The following LMNTD1 variants were observed in gnomAD, a reference collection of about 807,000 sequenced individuals.
LMNTD1 encodes the protein lamin tail domain containing 1, also known as lamin tail domain-containing protein 1.
A neutral mutation model predicts 50.9 loss-of-function variants in LMNTD1; 35 were observed. That is an observed-to-expected ratio of 0.69 (90% CI 0.53 to 0.91). LMNTD1 has a LOEUF of 0.91. Ranked by LOEUF, LMNTD1 falls within the 40% of genes least tolerant of loss-of-function variation. The pLI, the probability that LMNTD1 is intolerant of heterozygous loss-of-function variation, is 0.00. For missense variants in LMNTD1, 470 were observed against 475.5 expected (o/e 0.99, Z 0.11); for synonymous variants, 153 against 161.9 (o/e 0.94, Z 0.42).
intron 8 of LMNTD1, among the ~76,000 whole-genome samples, chr12:25,510,399 A>G (rs904943032): frequency 9.9e-5 from 15 of 152,050 alleles, no homozygotes; most frequent in Non-Finnish European, 2.9e-5. Context: ...AAGTTTTATT[A>G]TGATGTACAT....
chr12:25,624,888 A>G (rs1341003934), intron 1 of LMNTD1, among the ~76,000 whole-genome samples: 1 of 152,246 alleles, frequency 6.6e-6, no homozygotes, highest in Non-Finnish European at 1.5e-5. Flanking sequence ...GTATCCCAGC[A>G]TTCACAAATT....
chr12:25,608,901 T>A (rs1592100682), intron 1 of LMNTD1, among the ~76,000 whole-genome samples: 1 of 152,244 alleles, frequency 6.6e-6, no homozygotes, highest in South Asian at 2.1e-4. Flanking sequence ...TCCTGGATGA[T>A]ATCCTGAAGA....
chr12:25,519,212 C>A (rs1443031329), intron 7 of LMNTD1, among the ~76,000 whole-genome samples: 1 of 152,208 alleles, frequency 6.6e-6, no homozygotes, highest in East Asian at 1.9e-4. Context: ...ACCTCTCCCT[C>A]CACCTAAGCA....
chr12:25,539,390 C>A (rs1565992309), intron 4 of LMNTD1, among the ~76,000 whole-genome samples: 1 of 151,972 alleles, frequency 6.6e-6, no homozygotes, highest in Admixed American at 6.6e-5. Context: ...GACCACAGTG[C>A]AATCAAACTA....
At chr12:25,564,118 G>A (rs1027229010) in intron 1 of LMNTD1, among the ~76,000 whole-genome samples, 22 of 152,204 alleles carry the variant, frequency 1.4e-4, no homozygotes, top group Non-Finnish European at 2.6e-4. Flanking sequence ...GCAATGCCCC[G>A]CCCTGCTCCA....
At chr12:25,555,157 T>C (rs1169138130), upstream of LMNTD1, among the ~76,000 whole-genome samples, 1 of 152,030 alleles carries the variant, frequency 6.6e-6, no homozygotes, top group East Asian at 1.9e-4. Flanking sequence ...TTTTAGTATA[T>C]ACCAAAGTCT....
chr12:25,479,647 T>C (rs2135902825), intron 9 of LMNTD1, among the ~76,000 whole-genome samples: 1 of 152,346 alleles, frequency 6.6e-6, no homozygotes. Flanking sequence ...CTGTGTGGAA[T>C]ACCATGACGG....
intron 1 of LMNTD1, among the ~76,000 whole-genome samples, chr12:25,627,635 T>TA (rs34727345): frequency 0.083 from 12,646 of 152,204 alleles, 557 homozygotes; most frequent in Middle Eastern, 0.18. Context: ...TCTGAACGTG[T>TA]GGATGCTTTC....
At chr12:25,538,926 A>C (rs1942839210) in intron 4 of LMNTD1, among the ~76,000 whole-genome samples, 1 of 144,306 alleles carries the variant, frequency 6.9e-6, no homozygotes, top group South Asian at 2.3e-4. Context: ...TTGCAATCCT[A>C]GTCTCTGATA....
chr12:25,582,232 T>A (rs139776872), intron 1 of LMNTD1, among the ~76,000 whole-genome samples: 33 of 152,370 alleles, frequency 2.2e-4, no homozygotes, highest in African/African-American at 7.9e-4. Context: ...AAGTACTGTC[T>A]GCTTCACATT....
intron 9 of LMNTD1, among the ~76,000 whole-genome samples, chr12:25,483,600 C>T (rs6487489): frequency 0.65 from 97,809 of 151,082 alleles, 32,273 homozygotes; most frequent in East Asian, 0.95. Flanking sequence ...GGTGAAACCC[C>T]GCCTCTACTA....
chr12:25,531,175 A>T (rs1449509095), intron 4 of LMNTD1, among the ~76,000 whole-genome samples: 8 of 152,186 alleles, frequency 5.3e-5, no homozygotes, highest in Non-Finnish European at 1.0e-4. Flanking sequence ...CAGTGTCCAG[A>T]TAAGAGCCTA....
chr12:25,554,794 T>A (rs1226124417), upstream of LMNTD1, among the ~76,000 whole-genome samples: 1 of 152,204 alleles, frequency 6.6e-6, no homozygotes, highest in Non-Finnish European at 1.5e-5. Flanking sequence ...CCAGGCACAG[T>A]GGTTCCCACC....
chr12:25,553,788 G>A (rs920654305), upstream of LMNTD1, among the ~76,000 whole-genome samples: 1 of 152,074 alleles, frequency 6.6e-6, no homozygotes, highest in African/African-American at 2.4e-5. Flanking sequence ...GATAATGATA[G>A]TATGGCAATA....
At chr12:25,624,060 C>T (rs927918267) in intron 1 of LMNTD1, among the ~76,000 whole-genome samples, 5 of 152,212 alleles carry the variant, frequency 3.3e-5, no homozygotes, top group African/African-American at 7.2e-5. Flanking sequence ...AGAGCCCAAC[C>T]TATCTTTGGC....
At chr12:25,499,148 T>G (rs1939238192) in intron 9 of LMNTD1, among the ~76,000 whole-genome samples, 1 of 152,174 alleles carries the variant, frequency 6.6e-6, no homozygotes, top group Non-Finnish European at 1.5e-5. Context: ...CCTAGCTCAC[T>G]GCAGACTTAA....
At chr12:25,553,592 A>C (rs1365279468), upstream of LMNTD1, among the ~76,000 whole-genome samples, 4 of 152,096 alleles carry the variant, frequency 2.6e-5, no homozygotes, top group Non-Finnish European at 5.9e-5. Context: ...GAGCACATGG[A>C]AACAGCTAGG....
intron 1 of LMNTD1, among the ~76,000 whole-genome samples, chr12:25,611,445 G>C (rs1946241290): frequency 6.6e-6 from 1 of 152,150 alleles, no homozygotes; most frequent in South Asian, 2.1e-4. Context: ...GATGAGGAGG[G>C]ACTAGGATGA....
chr12:25,582,851 T>C lies in LMNTD1; in HGVS notation c.59-36297A>G, dbSNP rs151130429. Among the ~76,000 whole-genome samples the C allele has an allele frequency of 1.0e-3, 158 of 152,158 alleles. 2 individuals are homozygous for C. In the East Asian group the frequency reaches 0.025, roughly 24 times the overall value. Reference sequence around the variant, plus strand: ...AATATATAATAAGTTATTTAAGCAGTTTATTTATTTATTTGAGAGTAGGTC... The same window carrying C: ...AATATATAATAAGTTATTTAAGCAGCTTATTTATTTATTTGAGAGTAGGTC... On this transcript the variant is annotated intron_variant, in intron 1 of 7. Coordinates refer to the LMNTD1 transcript ENST00000445693.
Sources: allele counts gnomAD v4.1 joint callset (sites outside exome capture counted in the v4.1 genomes callset), GRCh38; gene constraint gnomAD v4.1.1; transcripts MANE v1.5; gene names NCBI Gene and HGNC (gene_info 2026-07-23, HGNC 2026-07-21).